Variants in FBXO40 observed in about 807,000 individuals in gnomAD.
The protein encoded by FBXO40 is F-box only protein 40.
Under a neutral mutation model 49.9 loss-of-function variants are expected in FBXO40, and 50 were observed. That is an observed-to-expected ratio of 1.00 (90% CI 0.80 to 1.27). The LOEUF (loss-of-function observed/expected upper bound fraction) is 1.27, where lower values mean the gene tolerates loss of function less well. Ranked by LOEUF, FBXO40 falls within the 50% of genes most tolerant of loss-of-function variation. The pLI is 0.00. For synonymous variants in FBXO40, 340 were observed against 320.2 expected (o/e 1.06, Z -0.66); for missense variants, 895 against 870.1 (o/e 1.03, Z -0.36).
At position 121,627,985 on chromosome 3, in the gene FBXO40, A is replaced by G; in HGVS notation, c.*1075A>G. On this transcript the variant is annotated 3_prime_UTR_variant, in exon 4 of 4. Coordinates refer to ENST00000338040, the MANE Select transcript of FBXO40 (RefSeq NM_016298.4). Reference sequence around the variant, plus strand: ...ATAACGGCTCCCTGAAATTGCTCCTACCCATCCATATTTCTGGTCATGCTT... The same window carrying G: ...ATAACGGCTCCCTGAAATTGCTCCTGCCCATCCATATTTCTGGTCATGCTT... 1 of 398,470 alleles carries G rather than the reference A, an allele frequency of 2.5e-6. No individual in the cohort carries two copies. 24.7% of individuals were successfully genotyped at this position (398,470 alleles called of 1,614,324 possible).
chr3:121,612,993 C>T (rs1195314947), intron 1 of FBXO40, among the ~76,000 whole-genome samples: 1 of 151,580 alleles, frequency 6.6e-6, no homozygotes, highest in Non-Finnish European at 1.5e-5. Context: ...TGGCGAGAAC[C>T]CGGGAGGCGG....
Position 121,618,427 on chromosome 3 carries a change from C to T in FBXO40, c.-30-2119C>T, listed in dbSNP as rs372555005. On this transcript the variant is annotated intron_variant, in intron 1 of 3. Coordinates refer to ENST00000338040, the MANE Select transcript of FBXO40 (RefSeq NM_016298.4). The stretch of plus-strand genomic sequence containing the variant: ...TTTGAGATGGAGTTTCACTCTGTCA[C>T]CCAGGCTGGAGCGCAGTGGCGTGAT... 3.6e-5 allele frequency among the ~76,000 whole-genome samples: 5 copies of T among 138,898 alleles called. No homozygotes were observed. In the East Asian group the frequency reaches 1.1e-3, roughly 32 times the overall value. 91.1% of individuals were successfully genotyped at this position (138,898 alleles called of 152,430 possible).
In FBXO40 at chr3:121,627,000, C is replaced by T. The variant is rs1406263997; in HGVS notation, c.*90C>T. ...AGTGTGTGGTTTTGAGGACTCCCTT[C>T]TGTAAACTGCCTATTTGCTTATCGG... On this transcript the variant is annotated 3_prime_UTR_variant, in exon 4 of 4. Coordinates refer to ENST00000338040, the MANE Select transcript of FBXO40 (RefSeq NM_016298.4). The T allele has an allele frequency of 5.0e-6, 6 of 1,190,652 alleles. No individual in the cohort carries two copies. The highest frequency in any genetic ancestry group is 1.5e-5 in the African/African-American group (1 of 66,456). 73.8% of individuals were successfully genotyped at this position (1,190,652 alleles called of 1,614,324 possible).
rs531664073 is a variant in FBXO40 at position 121,614,882 on chromosome 3, A to G, written c.-30-5664A>G. On this transcript the variant is annotated intron_variant, in intron 1 of 3. Transcript: ENST00000338040. ...AGAGGGTCACGACCCAGACACCAAG[A>G]GTGGGTTCTTGGATTCTCACAGGAA... Among the ~76,000 whole-genome samples the G allele has an allele frequency of 2.0e-5, 3 of 152,330 alleles. No homozygotes were observed. The East Asian group carries it at 5.8e-4, about 29-fold the overall frequency.
intron 1 of FBXO40, among the ~76,000 whole-genome samples, chr3:121,611,110 G>A: frequency 6.6e-6 from 1 of 152,148 alleles, no homozygotes; most frequent in East Asian, 1.9e-4. Context: ...ATGTTGAAGG[G>A]GTGGCCTGCC....
At position 121,622,865 on chromosome 3, in the gene FBXO40, G is replaced by A; in HGVS notation, c.1436G>A (p.Cys479Tyr). ...NKSSSAFTFT[C>Y]NKFFRRDEFP... ...AGCAGCTCTGCCTTCACTTTCACTT[G>A]CAACAAATTCTTCAGGAGGGATGAG... The change falls in exon 3 of 4, where the codon TGC becomes TAC. Residue 479 changes from cysteine (C) to tyrosine (Y), a missense_variant. Coordinates refer to ENST00000338040, the MANE Select transcript of FBXO40 (RefSeq NM_016298.4). The A allele has an allele frequency of 6.2e-7, 1 of 1,614,204 alleles. No individual in the cohort carries two copies. The highest frequency in any genetic ancestry group is 8.5e-7 in the Non-Finnish European group (1 of 1,180,036).
chr3:121,624,303 T>C (rs1433461868), intron 3 of FBXO40, among the ~76,000 whole-genome samples: 1 of 152,154 alleles, frequency 6.6e-6, no homozygotes, highest in Non-Finnish European at 1.5e-5. Context: ...AAGAGCTTTT[T>C]ATGTGCCAAG....
At chr3:121,617,841 AAC>A (rs2049006791) in intron 1 of FBXO40, among the ~76,000 whole-genome samples, 1 of 152,096 alleles carries the variant, frequency 6.6e-6, no homozygotes, top group South Asian at 2.1e-4. Flanking sequence ...CTCTGCTAAA[AAC>A]ACAAAAATTA....
At chr3:121,599,701 C>CAT (rs1221442696) in intron 1 of FBXO40, among the ~76,000 whole-genome samples, 21 of 72,528 alleles carry the variant, frequency 2.9e-4, no homozygotes, top group South Asian at 1.3e-3. Flanking sequence ...CACACACACA[C>CAT]ACACATATAT....
chr3:121,606,791 T>C (rs2048933874), intron 1 of FBXO40, among the ~76,000 whole-genome samples: 1 of 152,182 alleles, frequency 6.6e-6, no homozygotes, highest in South Asian at 2.1e-4. Context: ...GGAGTCCTCT[T>C]TAGCCTATGA....
In FBXO40 at chr3:121,621,999, G is replaced by C; in HGVS notation, c.570G>C (p.Gly190=). 1 of 1,614,224 alleles carries C rather than the reference G, an allele frequency of 6.2e-7. No individual in the cohort carries two copies. The highest frequency in any genetic ancestry group is 8.5e-7 in the Non-Finnish European group (1 of 1,180,042). Residue 190 remains glycine, a synonymous_variant, in exon 3 of 4, where the codon GGG becomes GGC. Coordinates refer to ENST00000338040, the MANE Select transcript of FBXO40 (RefSeq NM_016298.4). ...CACATGGTCTGTCAGCAACTAATGG[G>C]GAGATGGCAGAGCTAAGTCAAGAAG... ...LVPHGLSATN[G]EMAELSQEER...
At chr3:121,600,336 A>G (rs1033940021) in intron 1 of FBXO40, among the ~76,000 whole-genome samples, 1 of 151,550 alleles carries the variant, frequency 6.6e-6, no homozygotes, top group Non-Finnish European at 1.5e-5. Flanking sequence ...TCAGCACCTG[A>G]CTTATGTAGT....
intron 1 of FBXO40, among the ~76,000 whole-genome samples, chr3:121,618,998 T>C (rs2049014863): frequency 6.6e-6 from 1 of 151,748 alleles, no homozygotes; most frequent in Non-Finnish European, 1.5e-5. Context: ...GGTTTTTTGT[T>C]TGTTTGTTTG....
chr3:121,617,775 G>A (rs1232057503), intron 1 of FBXO40, among the ~76,000 whole-genome samples: 2 of 152,122 alleles, frequency 1.3e-5, no homozygotes, highest in Non-Finnish European at 2.9e-5. Context: ...CGAGGCAGGC[G>A]GATCACTTGA....
intron 1 of FBXO40, among the ~76,000 whole-genome samples, chr3:121,619,270 A>G (rs546254129): frequency 9.9e-5 from 15 of 152,160 alleles, no homozygotes; most frequent in Admixed American, 2.6e-4. Context: ...CAGCCTCACA[A>G]AGTGCTGAGA....
intron 3 of FBXO40, 70 bp from the exon 4 acceptor site, chr3:121,626,625 G>T (rs771646193): frequency 1.5e-6 from 2 of 1,353,228 alleles, no homozygotes; most frequent in Admixed American, 3.4e-5. Context: ...TTTCCTTATA[G>T]TGCCCAAATA....
At position 121,626,871 on chromosome 3, in the gene FBXO40, C is replaced by T; in HGVS notation, c.2091C>T (p.Ser697=). The change falls in exon 4 of 4, where the codon TCC becomes TCT. Residue 697 remains serine, a synonymous_variant. Coordinates refer to ENST00000338040, the MANE Select transcript of FBXO40 (RefSeq NM_016298.4). ...AGCAGGCCCGAGAGAGCTTAGTCTC[C>T]ACCTTTAGAATCAGACCACGAGGAA... ...PREQARESLV[S]TFRIRPRGRY... is the part of the protein sequence containing the mutation. 6.2e-7 allele frequency: 1 copy of T among 1,614,114 alleles called. No homozygotes were observed. The highest frequency in any genetic ancestry group is 8.5e-7 in the Non-Finnish European group (1 of 1,180,032).
At chr3:121,597,300 C>T (rs1188112538) in intron 1 of FBXO40, among the ~76,000 whole-genome samples, 1 of 152,048 alleles carries the variant, frequency 6.6e-6, no homozygotes, top group Non-Finnish European at 1.5e-5. Flanking sequence ...AGTTTCAGTC[C>T]TAAAGCAGTA....
intron 1 of FBXO40, among the ~76,000 whole-genome samples, chr3:121,597,080 C>T (rs2048876455): frequency 6.6e-6 from 1 of 152,302 alleles, no homozygotes; most frequent in East Asian, 1.9e-4. Context: ...TTGTGCCCAT[C>T]ATTGGAACCT....
Sources: allele counts gnomAD v4.1 joint callset (sites outside exome capture counted in the v4.1 genomes callset), GRCh38; gene constraint gnomAD v4.1.1; transcripts MANE v1.5; gene names NCBI Gene and HGNC (gene_info 2026-07-23, HGNC 2026-07-21).